The following TC2N variants were observed in gnomAD, a reference collection of about 807,000 sequenced individuals.
TC2N encodes the protein tandem C2 domains, nuclear.
TC2N carries 51 observed loss-of-function variants against 61.9 expected under a neutral mutation model. The ratio of observed to expected loss-of-function variants is 0.82; its 90% CI spans 0.66 to 1.04. TC2N has a LOEUF of 1.04. Ranked by LOEUF, TC2N falls within the 50% of genes least tolerant of loss-of-function variation. The pLI is 0.00. For synonymous variants in TC2N, 204 were observed against 192.6 expected, an observed-to-expected ratio of 1.06 and a Z score of -0.49; for missense variants, 556 against 566.7, an observed-to-expected ratio of 0.98 and a Z score of 0.19.
chr14:91,858,148 T>TCTC (rs557437392), intron 1 of TC2N, among the ~76,000 whole-genome samples: 1,231 of 90,698 alleles, frequency 0.014, 8 homozygotes, highest in Middle Eastern at 0.043. Flanking sequence ...TCTTTCTTCT[T>TCTC]CTTCTTTTTT....
chr14:91,804,395 CGTAA>C (rs1274145000), intron 3 of TC2N, among the ~76,000 whole-genome samples: 1 of 151,992 alleles, frequency 6.6e-6, no homozygotes, highest in Non-Finnish European at 1.5e-5. Flanking sequence ...TAAGAATGTT[CGTAA>C]GTATTATTAC....
chr14:91,806,148 C>T (rs1182265699), intron 3 of TC2N, among the ~76,000 whole-genome samples: 1 of 152,074 alleles, frequency 6.6e-6, no homozygotes, highest in African/African-American at 2.4e-5. Context: ...CTCCTTCCAC[C>T]ATGATTGTAA....
chr14:91,824,273 T>A (rs1490159534), intron 1 of TC2N, among the ~76,000 whole-genome samples: 1 of 152,194 alleles, frequency 6.6e-6, no homozygotes. Context: ...TCTGCTCCAA[T>A]ATTACAGTCA....
intron 1 of TC2N, among the ~76,000 whole-genome samples, chr14:91,855,946 T>C (rs1438845068): frequency 6.6e-6 from 1 of 151,564 alleles, no homozygotes; most frequent in African/African-American, 2.4e-5. Flanking sequence ...GGGCAGGGAG[T>C]AAGTTCAAAG....
At chr14:91,807,657 T>C (rs900936181) in intron 3 of TC2N, among the ~76,000 whole-genome samples, 2 of 152,224 alleles carry the variant, frequency 1.3e-5, no homozygotes, top group African/African-American at 4.8e-5. Context: ...GTAATTAACT[T>C]TTGATTTTGC....
chr14:91,803,373 A>G (rs1004418869), intron 3 of TC2N, among the ~76,000 whole-genome samples: 14 of 130,358 alleles, frequency 1.1e-4, no homozygotes, highest in African/African-American at 4.3e-4. Flanking sequence ...TCATATACAT[A>G]CATATATACA....
chr14:91,847,103 C>T (rs1186758444), intron 1 of TC2N, among the ~76,000 whole-genome samples: 1 of 152,042 alleles, frequency 6.6e-6, no homozygotes, highest in Non-Finnish European at 1.5e-5. Context: ...CTAAAAACTA[C>T]AAAAATTAGC....
At chr14:91,830,680 C>T (rs1887722469) in intron 1 of TC2N, among the ~76,000 whole-genome samples, 1 of 151,662 alleles carries the variant, frequency 6.6e-6, no homozygotes, top group Admixed American at 6.6e-5. Flanking sequence ...CTGAATTGTA[C>T]ATTTTAAAGG....
At chr14:91,839,612 CAA>C (rs1888127052) in intron 1 of TC2N, among the ~76,000 whole-genome samples, 1 of 152,168 alleles carries the variant, frequency 6.6e-6, no homozygotes, top group South Asian at 2.1e-4. Flanking sequence ...AAACAGCTTT[CAA>C]AGAGTATAAA....
chr14:91,808,381 T>A (rs976694083), intron 3 of TC2N, among the ~76,000 whole-genome samples: 3 of 152,202 alleles, frequency 2.0e-5, no homozygotes, highest in African/African-American at 7.2e-5. Context: ...CATGCAATTA[T>A]AAGATAGCTT....
At chr14:91,840,012 G>T (rs145442578) in intron 1 of TC2N, among the ~76,000 whole-genome samples, 56 of 152,296 alleles carry the variant, frequency 3.7e-4, no homozygotes, top group African/African-American at 1.3e-3. Context: ...TTTCACTTCT[G>T]CATCTAGGCA....
intron 1 of TC2N, among the ~76,000 whole-genome samples, chr14:91,834,463 T>C (rs985900541): frequency 2.6e-5 from 4 of 152,174 alleles, no homozygotes; most frequent in African/African-American, 9.7e-5. Flanking sequence ...TTCTCTTTTT[T>C]CTTTTCTTTT....
In TC2N at chr14:91,859,305, A is replaced by T. The variant is rs145287050; in HGVS notation, c.-57+7957T>A. On this transcript the variant is annotated intron_variant, in intron 1 of 11. Coordinates refer to ENST00000435962, the MANE Select transcript of TC2N (RefSeq NM_001128596.3). ...CTTACCTTAACAAAACATAAAAATT[A>T]AAAAAAAAGAAGTAAGTTTAAAATG... 7.9e-3 allele frequency among the ~76,000 whole-genome samples: 1,181 copies of T among 148,598 alleles called. 19 individuals carry two copies. Among genetic ancestry groups the T allele is most frequent in the South Asian group, 0.051 (243 of 4,738 alleles).
chr14:91,849,535 C>T (rs539603480), intron 1 of TC2N, among the ~76,000 whole-genome samples: 72 of 152,306 alleles, frequency 4.7e-4, no homozygotes, highest in African/African-American at 1.7e-3. Flanking sequence ...ACACAAATCA[C>T]ACCAGGTATA....
chr14:91,790,274 TTTA>T (rs1885582381), intron 9 of TC2N, among the ~76,000 whole-genome samples: 1 of 152,260 alleles, frequency 6.6e-6, no homozygotes, highest in African/African-American at 2.4e-5. Flanking sequence ...TCAAGGACTC[TTTA>T]TTGAGTAAAA....
intron 6 of TC2N, among the ~76,000 whole-genome samples, chr14:91,798,636 G>T (rs912015976): frequency 7.2e-5 from 11 of 151,884 alleles, no homozygotes; most frequent in African/African-American, 2.4e-4. Context: ...TGCAGTGAGG[G>T]ATTTAAATTA....
At position 91,852,055 on chromosome 14, in the gene TC2N, C is replaced by T. The variant is rs563288950; in HGVS notation, c.-57+15207G>A. Among the ~76,000 whole-genome samples the T allele has an allele frequency of 4.6e-5, 7 of 152,300 alleles. No individual in the cohort carries two copies. The East Asian group carries it at 1.4e-3, about 29-fold the overall frequency. On this transcript the variant is annotated intron_variant, in intron 1 of 11. Coordinates refer to ENST00000435962, the MANE Select transcript of TC2N (RefSeq NM_001128596.3). ...ATAAGTTAATCACAGGTACTAGATT[C>T]CCATAATGTAAATTTCACAATCCTT...
At chr14:91,829,677 T>C (rs983564190) in intron 1 of TC2N, among the ~76,000 whole-genome samples, 1 of 152,162 alleles carries the variant, frequency 6.6e-6, no homozygotes, top group African/African-American at 2.4e-5. Context: ...TGTAGGTTTA[T>C]TTCGAGGTTC....
chr14:91,828,357 T>C (rs60662006), intron 1 of TC2N, among the ~76,000 whole-genome samples: 18,507 of 152,094 alleles, frequency 0.12, 1,426 homozygotes, highest in East Asian at 0.2. Flanking sequence ...AATCAAGATA[T>C]AATTTTATCT....
Sources: gnomAD v4.1 joint callset for allele counts (sites outside exome capture counted in the v4.1 genomes callset) on GRCh38, gnomAD v4.1.1 for gene constraint, MANE v1.5 for transcripts, NCBI Gene and HGNC (gene_info 2026-07-23, HGNC 2026-07-21) for gene names.